The following LZTS1 variants were observed in gnomAD, a reference collection of about 807,000 sequenced individuals.
LZTS1 encodes leucine zipper tumor suppressor 1, also known as leucine zipper putative tumor suppressor 1.
LZTS1 carries 31 observed loss-of-function variants against 45.8 expected under a neutral mutation model. The ratio of observed to expected loss-of-function variants is 0.68; its 90% CI spans 0.51 to 0.91. The LOEUF is 0.91. Ranked by LOEUF, LZTS1 falls within the 40% of genes least tolerant of loss-of-function variation. The pLI, the probability that LZTS1 is intolerant of heterozygous loss-of-function variation, is 0.00. For missense variants in LZTS1, 821 were observed against 788.9 expected (o/e 1.04, Z -0.49); for synonymous variants, 359 against 357.3 (o/e 1.00, Z -0.05).
intron 1 of LZTS1, among the ~76,000 whole-genome samples, chr8:20,277,995 A>G (rs1476246): frequency 0.34 from 51,305 of 152,064 alleles, 10,146 homozygotes; most frequent in East Asian, 0.43. Context: ...CGCCTGGCAC[A>G]TAGTTGTGTT....
intron 1 of LZTS1, 21 bp from the exon 2 acceptor site, chr8:20,255,336 G>T: frequency 7.0e-7 from 1 of 1,431,578 alleles, no homozygotes; most frequent in Non-Finnish European, 9.1e-7. Flanking sequence ...ACACAAGACA[G>T]AAGTCAGCGT....
intron 1 of LZTS1, among the ~76,000 whole-genome samples, chr8:20,301,731 G>A (rs999840893): frequency 6.6e-6 from 1 of 151,922 alleles, no homozygotes; most frequent in Non-Finnish European, 1.5e-5. Flanking sequence ...CAAAGCATTG[G>A]CTTTCCCCAG....
intron 1 of LZTS1, among the ~76,000 whole-genome samples, chr8:20,257,601 A>T (rs1008943476): frequency 6.6e-6 from 1 of 152,132 alleles, no homozygotes; most frequent in Admixed American, 6.6e-5. Context: ...CAGCTATGAC[A>T]TGGAAGGTAA....
intron 1 of LZTS1, among the ~76,000 whole-genome samples, chr8:20,267,158 C>T (rs1800376451): frequency 6.6e-6 from 1 of 151,848 alleles, no homozygotes; most frequent in South Asian, 2.1e-4. Context: ...ACTCTCTTAT[C>T]CGCCTCACCT....
At chr8:20,301,058 T>C (rs1026491160) in intron 1 of LZTS1, among the ~76,000 whole-genome samples, 1 of 147,564 alleles carries the variant, frequency 6.8e-6, no homozygotes, top group East Asian at 2.0e-4. Context: ...GAGGTGGAGG[T>C]TGCGGTGAGC....
In LZTS1 at chr8:20,253,426, C is replaced by T. The variant is rs1056518326; in HGVS notation, c.505G>A (p.Gly169Arg). 4 of 1,612,182 alleles carry T rather than the reference C, an allele frequency of 2.5e-6. No homozygotes were observed. The African/African-American group carries it at 5.3e-5, about 22-fold the overall frequency. The stretch of plus-strand genomic sequence containing the variant: ...TTCCGGCCGGAGTCTGACAGCGCCC[C>T]AGAGCACAGGCCAGGCTTCAGCTCC... The part of the protein sequence containing the change: ...EQELKPGLCS[G>R]ALSDSGRNSM... The change falls in exon 3 of 4, where the codon GGG (glycine) becomes AGG (arginine). Residue 169 changes from glycine to arginine, a missense_variant. Transcript: ENST00000381569.
At chr8:20,276,009 G>C (rs552764124) in intron 1 of LZTS1, 8 of 152,240 alleles carry the variant, frequency 5.3e-5, no homozygotes, top group African/African-American at 1.4e-4. Context: ...ATTTTAATGG[G>C]AGGAGAAGTC....
At chr8:20,297,073 A>C (rs1333074577) in intron 1 of LZTS1, among the ~76,000 whole-genome samples, 1 of 152,122 alleles carries the variant, frequency 6.6e-6, no homozygotes, top group Non-Finnish European at 1.5e-5. Context: ...CCCTGGGGGC[A>C]GCCTCCATGT....
chr8:20,277,769 G>T (rs1020219622), intron 1 of LZTS1, among the ~76,000 whole-genome samples: 6 of 152,140 alleles, frequency 3.9e-5, no homozygotes, highest in Admixed American at 6.6e-5. Flanking sequence ...CCAAGAATCT[G>T]GTGCAAGATC....
At chr8:20,270,132 A>C (rs1423350375) in intron 1 of LZTS1, among the ~76,000 whole-genome samples, 2 of 152,266 alleles carry the variant, frequency 1.3e-5, no homozygotes. Context: ...AAAGCTGTTA[A>C]GGCCAGCGAT....
Position 20,252,905 on chromosome 8 carries a change from C to T in LZTS1, c.1026G>A (p.Lys342=), listed in dbSNP as rs2128891976. The T allele has an allele frequency of 6.2e-7, 1 of 1,610,522 alleles. No homozygotes were observed. The highest frequency in any genetic ancestry group is 8.5e-7 in the Non-Finnish European group (1 of 1,178,988). Residue 342 remains lysine (K), a synonymous_variant, in exon 3 of 4, where the codon AAG becomes AAA. Transcript: ENST00000381569. ...HLQVLQLQQE[K]RQLRQELESL... ...TCTCGAGCTCCTGCCGGAGCTGCCG[C>T]TTCTCCTGCTGAAGCTGCAGTACCT...
intron 1 of LZTS1, among the ~76,000 whole-genome samples, chr8:20,287,028 AGTT>A (rs1800804195): frequency 7.1e-6 from 1 of 140,696 alleles, no homozygotes; most frequent in African/African-American, 3.3e-5. Flanking sequence ...AAACTTGTCT[AGTT>A]GTTCACCTAT....
At chr8:20,266,829 C>T (rs1266338540) in intron 1 of LZTS1, among the ~76,000 whole-genome samples, 1 of 152,106 alleles carries the variant, frequency 6.6e-6, no homozygotes, top group Admixed American at 6.5e-5. Flanking sequence ...CTCTCTTGGC[C>T]AGGCATGGTG....
In LZTS1 at chr8:20,292,470, A is replaced by G. The variant is rs115334630; in HGVS notation, c.-135+11270T>C. Among the ~76,000 whole-genome samples, 171 of 152,366 alleles carry G rather than the reference A, an allele frequency of 1.1e-3. 1 individual carries two copies. The highest frequency in any genetic ancestry group is 3.9e-3 in the African/African-American group (161 of 41,586). On this transcript the variant is annotated intron_variant, in intron 1 of 3. Transcript: ENST00000381569. ...TTCAGTTTTGAAAGTACCGACTGTT[A>G]GCAACTGCGACCAGCACAGCCTTTG...
rs547342953 is a variant in LZTS1 at position 20,280,151 on chromosome 8, C to A, written c.-135+23589G>T. ...TATTCCCTTAGGTACCACCCCAACC[C>A]CAGATGAGGCTGGATTTCCCTCGTT... On this transcript the variant is annotated intron_variant, in intron 1 of 3. Coordinates refer to ENST00000381569, the MANE Select transcript of LZTS1 (RefSeq NM_021020.5). 2.0e-5 allele frequency among the ~76,000 whole-genome samples: 3 copies of A among 152,206 alleles called. No homozygotes were observed. The South Asian group carries it at 6.2e-4, about 32-fold the overall frequency.
chr8:20,251,618 G>A (rs1442126054), intron 3 of LZTS1, among the ~76,000 whole-genome samples: 2 of 152,108 alleles, frequency 1.3e-5, no homozygotes, highest in Non-Finnish European at 2.9e-5. Flanking sequence ...CATTGCTCTT[G>A]GCCAAATTTT....
chr8:20,254,623 G>T (rs999709820), intron 2 of LZTS1, among the ~76,000 whole-genome samples: 1 of 152,202 alleles, frequency 6.6e-6, no homozygotes, highest in Non-Finnish European at 1.5e-5. Context: ...CAAGACTTCT[G>T]CTTCAGGGGG....
At chr8:20,258,636 C>T (rs966181464) in intron 1 of LZTS1, among the ~76,000 whole-genome samples, 1 of 152,186 alleles carries the variant, frequency 6.6e-6, no homozygotes, top group Non-Finnish European at 1.5e-5. Context: ...AAGCAGCCTA[C>T]CTCATAGGAT....
chr8:20,288,326 CAGG>C (rs1456578507), intron 1 of LZTS1, among the ~76,000 whole-genome samples: 3 of 152,194 alleles, frequency 2.0e-5, no homozygotes, highest in Non-Finnish European at 4.4e-5. Flanking sequence ...GGCCACTGCT[CAGG>C]AGAAGCTGCC....
Sources: allele counts gnomAD v4.1 joint callset (sites outside exome capture counted in the v4.1 genomes callset), GRCh38; gene constraint gnomAD v4.1.1; transcripts MANE v1.5; gene names NCBI Gene and HGNC (gene_info 2026-07-23, HGNC 2026-07-21).